Variants in APOBEC3B observed in about 807,000 individuals in gnomAD.
APOBEC3B encodes the protein DNA dC->dU-editing enzyme APOBEC-3B.
A neutral mutation model predicts 53.4 loss-of-function variants in APOBEC3B; 29 were observed. The ratio of observed to expected loss-of-function variants is 0.54; its 90% CI spans 0.40 to 0.74. The LOEUF (loss-of-function observed/expected upper bound fraction) is 0.74, where lower values mean the gene tolerates loss of function less well. Among genes scored for constraint, APOBEC3B ranks in the 30% least tolerant of loss-of-function variants. The pLI is 0.00. For synonymous variants in APOBEC3B, 132 were observed against 184.8 expected, an observed-to-expected ratio of 0.71 and a Z score of 2.32; for missense variants, 347 against 496.2, an observed-to-expected ratio of 0.70 and a Z score of 2.86.
chr22:38,990,210 C>G (rs1221400954), intron 5 of APOBEC3B, among the ~76,000 whole-genome samples: 3 of 148,128 alleles, frequency 2.0e-5, no homozygotes, highest in African/African-American at 7.4e-5. Context: ...TTCTGCTTGG[C>G]TCTGTTGCTG....
chr22:38,992,257 C>A, intron 7 of APOBEC3B, 108 bp downstream of exon 7: 1 of 1,542,168 alleles, frequency 6.5e-7, no homozygotes, highest in Non-Finnish European at 8.7e-7. Context: ...GTTCCCTGCT[C>A]CCCACAGGGC....
intron 5 of APOBEC3B, 121 bp downstream of exon 5, chr22:38,989,731 G>C (rs2065412302): frequency 2.9e-6 from 3 of 1,043,200 alleles, no homozygotes; most frequent in Non-Finnish European, 3.9e-6. Context: ...GCTTCCTGCA[G>C]CTGCTGCTGC....
intron 7 of APOBEC3B, 128 bp downstream of exon 7, chr22:38,992,277 C>A: frequency 6.5e-7 from 1 of 1,535,052 alleles, no homozygotes. Context: ...CGCCCAGCTC[C>A]GTCCCTCCCT....
rs369407878 is a variant in APOBEC3B at position 38,984,249 on chromosome 22, A to G, written c.174+18A>G. 127 of 1,587,950 alleles carry G rather than the reference A, an allele frequency of 8.0e-5. 12 individuals carry two copies. The highest frequency in any genetic ancestry group is 1.0e-4 in the Non-Finnish European group (118 of 1,170,454). On this transcript the variant is annotated intron_variant, in intron 2 of 7. Transcript: ENST00000333467. ...GAGGCCAGGTACCACCCAAACTTCA[A>G]TCGAATCACAGGCAGTGTTGCAGGA... is the stretch of plus-strand genomic sequence containing the variant.
rs754275702 is a variant in APOBEC3B, at chr22:38,989,472, A to T, written c.585A>T (p.Pro195=). 4 of 1,578,660 alleles carry T rather than the reference A, an allele frequency of 2.5e-6. 1 individual carries two copies. The East Asian group carries it at 1.0e-4, about 40-fold the overall frequency. ...TTGTCCACAGATACCTGATGGATCC[A>T]GACACATTCACTTTCAACTTTAATA... ...LKEILRYLMD[P]DTFTFNFNND... Residue 195 remains proline, a synonymous_variant, in exon 5 of 8, where the codon CCA becomes CCT. Coordinates refer to ENST00000333467, the MANE Select transcript of APOBEC3B (RefSeq NM_004900.5).
rs765329368 is a variant in APOBEC3B at position 38,986,437 on chromosome 22, C to G, written c.569+25C>G. 29 of 1,586,770 alleles carry G rather than the reference C, an allele frequency of 1.8e-5. 2 individuals are homozygous for G. The highest frequency in any genetic ancestry group is 4.0e-5 in the African/African-American group (3 of 74,122). ...GGTGAGGGTCTCCCTCTGGCCTCATCATCTCTCTCCTCTCACCTGCTCATC... is the reference window on the plus strand; with the variant it reads ...GGTGAGGGTCTCCCTCTGGCCTCATGATCTCTCTCCTCTCACCTGCTCATC... On this transcript the variant is annotated intron_variant, in intron 4 of 7. Coordinates refer to ENST00000333467, the MANE Select transcript of APOBEC3B (RefSeq NM_004900.5).
chr22:38,985,648 T>C (rs922334046), intron 2 of APOBEC3B, among the ~76,000 whole-genome samples, 164 bp from the exon 3 acceptor site: 5 of 147,416 alleles, frequency 3.4e-5, no homozygotes, highest in African/African-American at 4.9e-5. Flanking sequence ...AACGTGAGCT[T>C]TGGAGCAGAC....
chr22:38,992,163 C>T lies in APOBEC3B; in HGVS notation c.1134+14C>T. 1 of 1,590,870 alleles carries T rather than the reference C, an allele frequency of 6.3e-7. No homozygotes were observed. The highest frequency in any genetic ancestry group is 8.5e-7 in the Non-Finnish European group (1 of 1,171,828). On this transcript the variant is annotated intron_variant, in intron 7 of 7. Coordinates refer to ENST00000333467, the MANE Select transcript of APOBEC3B (RefSeq NM_004900.5). ...GCCATTCTCCAGGTGAGGGCTTCCTCCCTCTGCCTGGTGCCCCATCGGCCT... is the reference window on the plus strand; with the variant it reads ...GCCATTCTCCAGGTGAGGGCTTCCTTCCTCTGCCTGGTGCCCCATCGGCCT...
chr22:38,984,225 A>G lies in APOBEC3B; in HGVS notation c.168A>G (p.Arg56=). ...SNLLWDTGVF[R]GQVYFKPQYH... ...TCCTTTGGGACACAGGGGTCTTTCG[A>G]GGCCAGGTACCACCCAAACTTCAAT... The change falls in exon 2 of 8, where the codon CGA becomes CGG. Residue 56 remains arginine (R), a synonymous_variant. Transcript: ENST00000333467. The G allele has an allele frequency of 1.3e-6, 2 of 1,591,924 alleles. No homozygotes were observed. The highest frequency in any genetic ancestry group is 1.7e-6 in the Non-Finnish European group (2 of 1,172,202).
chr22:38,990,009 C>T (rs1194292988), intron 5 of APOBEC3B, among the ~76,000 whole-genome samples: 2 of 142,042 alleles, frequency 1.4e-5, no homozygotes, highest in Non-Finnish European at 3.1e-5. Flanking sequence ...GGGGTTTTGT[C>T]CTGCCCAGGG....
chr22:38,989,320 AGG>A, intron 4 of APOBEC3B, 135 bp from the exon 5 acceptor site: 2 of 741,194 alleles, frequency 2.7e-6, no homozygotes, highest in Non-Finnish European at 4.1e-6. Context: ...GCCCCCACAA[AGG>A]GAGTGGAAGC....
In APOBEC3B at chr22:38,989,659, G is replaced by A. The variant is rs374297916; in HGVS notation, c.723+49G>A. Reference sequence around the variant, plus strand: ...CCAGGCAGGGCCCTCCCAATCCAGGGACACTCATAGATAGAAGGTTCTGGG... The same window carrying A: ...CCAGGCAGGGCCCTCCCAATCCAGGAACACTCATAGATAGAAGGTTCTGGG... On this transcript the variant is annotated intron_variant, in intron 5 of 7. Transcript: ENST00000333467. The A allele has an allele frequency of 2.0e-6, 3 of 1,500,742 alleles. No homozygotes were observed. The African/African-American group carries it at 4.1e-5, about 21-fold the overall frequency. 93.0% of individuals were successfully genotyped at this position (1,500,742 alleles called of 1,614,324 possible). A position where few individuals can be genotyped will look rare whatever the true frequency, so the allele number is the denominator to read the frequency against.
chr22:38,984,014 G>A, intron 1 of APOBEC3B, 61 bp from the exon 2 acceptor site: 1 of 1,537,898 alleles, frequency 6.5e-7, no homozygotes, highest in Non-Finnish European at 8.7e-7. Context: ...CAGTGGACAT[G>A]AGCCCCGAGG....
At chr22:38,991,999 C>T in intron 6 of APOBEC3B, 35 bp from the exon 7 acceptor site, 3 of 1,536,118 alleles carry the variant, frequency 2.0e-6, no homozygotes, top group Non-Finnish European at 2.6e-6. Context: ...CTCCCCACAA[C>T]AGGAGCGTGA....
In APOBEC3B at chr22:38,987,099, A is replaced by C. The variant is rs377039385; in HGVS notation, c.569+687A>C. On this transcript the variant is annotated intron_variant, in intron 4 of 7. Coordinates refer to ENST00000333467, the MANE Select transcript of APOBEC3B (RefSeq NM_004900.5). ...TGTCTCCTGGAACAAGGGCCCTGGA[A>C]GATAGAAATAGAATCCAAACCCAGG... Among the ~76,000 whole-genome samples the C allele has an allele frequency of 6.7e-5, 10 of 148,894 alleles. 2 individuals are homozygous for C. Among genetic ancestry groups the C allele is most frequent in the East Asian group, 4.5e-4 (2 of 4,442 alleles).
intron 2 of APOBEC3B, among the ~76,000 whole-genome samples, chr22:38,985,417 G>A (rs1406734223): frequency 6.7e-6 from 1 of 148,172 alleles, no homozygotes; most frequent in Non-Finnish European, 1.5e-5. Context: ...AGAGTGGCCT[G>A]GGATGTCGAG....
At chr22:38,986,480 G>A in intron 4 of APOBEC3B, 68 bp downstream of exon 4, 1 of 1,535,484 alleles carries the variant, frequency 6.5e-7, no homozygotes. Context: ...GGCCTCCGTT[G>A]GCCTGGCCCT....
chr22:38,983,297 G>A (rs112551670), intron 1 of APOBEC3B, among the ~76,000 whole-genome samples: 2,608 of 147,032 alleles, frequency 0.018, 205 homozygotes, highest in African/African-American at 0.061. Context: ...CAGCCTGGGC[G>A]ACAGAGTGAG....
chr22:38,992,152 G>A lies in APOBEC3B; in HGVS notation c.1134+3G>A, dbSNP rs1924032806. 2.5e-6 allele frequency: 4 copies of A among 1,591,828 alleles called. No individual in the cohort carries two copies. Among genetic ancestry groups the A allele is most frequent in the Admixed American group, 1.8e-5 (1 of 56,130 alleles). Reference sequence around the variant, plus strand: ...GGAGGCTGCGGGCCATTCTCCAGGTGAGGGCTTCCTCCCTCTGCCTGGTGC... The same window carrying A: ...GGAGGCTGCGGGCCATTCTCCAGGTAAGGGCTTCCTCCCTCTGCCTGGTGC... On this transcript the variant is annotated splice_donor_region_variant and intron_variant, in intron 7 of 7. Coordinates refer to ENST00000333467, the MANE Select transcript of APOBEC3B (RefSeq NM_004900.5).
Sources: gnomAD v4.1 joint callset for allele counts (sites outside exome capture counted in the v4.1 genomes callset) on GRCh38, gnomAD v4.1.1 for gene constraint, MANE v1.5 for transcripts, NCBI Gene and HGNC (gene_info 2026-07-23, HGNC 2026-07-21) for gene names.